SNX30: variants seen among roughly 807,000 people sequenced by gnomAD.
SNX30 encodes the protein sorting nexin-30.
In SNX30, 24 loss-of-function variants were observed where a neutral mutation model predicts 46.4. The ratio of observed to expected loss-of-function variants is 0.52; its 90% CI spans 0.37 to 0.73. SNX30 has a LOEUF of 0.73. Ranked by LOEUF, SNX30 falls within the 30% of genes least tolerant of loss-of-function variation. The pLI is 0.00. For missense variants in SNX30, 533 were observed against 555.7 expected, an observed-to-expected ratio of 0.96 and a Z score of 0.41; for synonymous variants, 189 against 211.5, an observed-to-expected ratio of 0.89 and a Z score of 0.92.
chr9:112,829,130 G>A (rs527868965), intron 3 of SNX30, among the ~76,000 whole-genome samples: 7 of 152,210 alleles, frequency 4.6e-5, no homozygotes, highest in South Asian at 2.1e-4. Flanking sequence ...TGGATATGCC[G>A]CATTTTGTTT....
chr9:112,834,882 A>ACACACAC (rs56385707), intron 4 of SNX30, among the ~76,000 whole-genome samples: 1 of 105,352 alleles, frequency 9.5e-6, no homozygotes, highest in Non-Finnish European at 2.3e-5. Flanking sequence ...ACACACACAC[A>ACACACAC]CCTACCTCAA....
intron 6 of SNX30, among the ~76,000 whole-genome samples, chr9:112,841,567 T>A (rs1358994729): frequency 1.3e-5 from 2 of 152,216 alleles, no homozygotes; most frequent in African/African-American, 4.8e-5. Context: ...TCCCCGATAG[T>A]AGCTGAGCTG....
rs1456902641 is a variant in SNX30 at position 112,751,138 on chromosome 9, C to T, written c.137C>T (p.Ala46Val). 3 of 1,510,502 alleles carry T rather than the reference C, an allele frequency of 2.0e-6. No individual in the cohort carries two copies. Among genetic ancestry groups the T allele is most frequent in the Non-Finnish European group, 2.6e-6 (3 of 1,136,378 alleles). 93.6% of individuals were successfully genotyped at this position (1,510,502 alleles called of 1,614,324 possible). A position where few individuals can be genotyped will look rare whatever the true frequency, so the allele number is the denominator to read the frequency against. ...ACGCCCAGCCCGGACCTGCTGATGG[C>T]CCGCAGCTTCGGTGACAAGGTGGGG... is the stretch of plus-strand genomic sequence containing the variant. Reference protein sequence around the residue: ...DSTPSPDLLMARSFGDKDLIL... With the variant: ...DSTPSPDLLMVRSFGDKDLIL... The change falls in exon 1 of 9, where the codon GCC (alanine) becomes GTC (valine). Residue 46 changes from alanine (A) to valine (V), a missense_variant. By Grantham distance (64) the Ala-to-Val change is moderately conservative (BLOSUM62 0). Around this residue, in one of 3 missense-constraint regions of SNX30, gnomAD observed 191 missense variants for 160.3 expected, o/e 1.19. Coordinates refer to ENST00000374232, the MANE Select transcript of SNX30 (RefSeq NM_001012994.2).
chr9:112,860,720 G>A (rs1053449616), intron 7 of SNX30, among the ~76,000 whole-genome samples: 3 of 152,196 alleles, frequency 2.0e-5, no homozygotes, highest in Non-Finnish European at 4.4e-5. Context: ...CATTGGCAAA[G>A]GGTGGCATAA....
chr9:112,761,335 G>C (rs570461390), intron 1 of SNX30, among the ~76,000 whole-genome samples: 31 of 152,170 alleles, frequency 2.0e-4, no homozygotes, highest in Admixed American at 5.2e-4. Flanking sequence ...GCTAATTTTA[G>C]TATTTTTAGT....
At chr9:112,834,710 AAGG>A (rs1304562637) in intron 4 of SNX30, among the ~76,000 whole-genome samples, 3 of 152,122 alleles carry the variant, frequency 2.0e-5, no homozygotes, top group Non-Finnish European at 4.4e-5. Flanking sequence ...GGGCAGGTGA[AAGG>A]AGGGCAGGGG....
intron 3 of SNX30, among the ~76,000 whole-genome samples, chr9:112,830,113 C>T (rs1840638130): frequency 6.6e-6 from 1 of 152,034 alleles, no homozygotes; most frequent in South Asian, 2.1e-4. Context: ...TTAAATTGCC[C>T]ACAGTATTGA....
chr9:112,773,338 A>G (rs1371606060), intron 1 of SNX30, among the ~76,000 whole-genome samples: 1 of 152,118 alleles, frequency 6.6e-6, no homozygotes, highest in East Asian at 1.9e-4. Context: ...CTCATAACTG[A>G]TAGTCATAAC....
chr9:112,751,306 G>A (rs1169381557), intron 1 of SNX30, 149 bp downstream of exon 1: 1 of 1,069,850 alleles, frequency 9.3e-7, no homozygotes, highest in Non-Finnish European at 1.2e-6. Context: ...AGCCCTCGGC[G>A]AAGCGTCTCC....
rs150036080 is a variant in SNX30 at position 112,779,009 on chromosome 9, G to C, written c.157-25767G>C. 1.5e-3 allele frequency among the ~76,000 whole-genome samples: 235 copies of C among 152,322 alleles called. 2 individuals carry two copies. Among genetic ancestry groups the C allele is most frequent in the African/African-American group, 5.3e-3 (221 of 41,576 alleles). ...GGAGCTGAGTCTTGAAGCACAAATGGGCATTAGCTAGGTGAGTAAGGCATC... is the reference window on the plus strand; with the variant it reads ...GGAGCTGAGTCTTGAAGCACAAATGCGCATTAGCTAGGTGAGTAAGGCATC... On this transcript the variant is annotated intron_variant, in intron 1 of 8. Transcript: ENST00000374232.
chr9:112,865,661 A>ATATATGTGTGTG, intron 8 of SNX30, among the ~76,000 whole-genome samples: 9 of 105,700 alleles, frequency 8.5e-5, no homozygotes, highest in African/African-American at 3.4e-4. Flanking sequence ...ATATATATAT[A>ATATATGTGTGTG]TGTATGTATG....
At chr9:112,793,249 C>A (rs1840054733) in intron 1 of SNX30, among the ~76,000 whole-genome samples, 1 of 152,194 alleles carries the variant, frequency 6.6e-6, no homozygotes, top group South Asian at 2.1e-4. Context: ...CTGCTCCCCC[C>A]ATCTCAGTAG....
intron 7 of SNX30, among the ~76,000 whole-genome samples, chr9:112,855,443 C>G (rs1024232195): frequency 6.6e-6 from 1 of 152,134 alleles, no homozygotes; most frequent in Non-Finnish European, 1.5e-5. Flanking sequence ...AAAACTTGCG[C>G]TGGATAAGGA....
chr9:112,780,268 C>G (rs371230435), intron 1 of SNX30, among the ~76,000 whole-genome samples: 4 of 152,218 alleles, frequency 2.6e-5, no homozygotes, highest in African/African-American at 9.6e-5. Flanking sequence ...CCAAAAGTCC[C>G]TTGGTTAAAA....
At chr9:112,790,694 A>G (rs1239568809) in intron 1 of SNX30, among the ~76,000 whole-genome samples, 2 of 152,378 alleles carry the variant, frequency 1.3e-5, no homozygotes, top group South Asian at 2.1e-4. Flanking sequence ...GTTCATAATT[A>G]TGAACACTAA....
At chr9:112,849,574 C>T (rs556091897) in intron 6 of SNX30, among the ~76,000 whole-genome samples, 168 of 152,222 alleles carry the variant, frequency 1.1e-3, no homozygotes, top group Non-Finnish European at 1.8e-3. Flanking sequence ...TGGCAATTGA[C>T]GAAAAATTAT....
intron 4 of SNX30, among the ~76,000 whole-genome samples, chr9:112,832,487 T>TGAGAGA (rs1417839811): frequency 1.9e-4 from 25 of 132,572 alleles, no homozygotes; most frequent in East Asian, 4.3e-4. Flanking sequence ...TGTGTGTGTG[T>TGAGAGA]GTGTGTGTGA....
intron 1 of SNX30, among the ~76,000 whole-genome samples, chr9:112,791,399 C>T (rs368067822): frequency 8.3e-4 from 56 of 67,468 alleles, no homozygotes; most frequent in East Asian, 2.2e-3. Context: ...TATTTAGGAA[C>T]TTTTTTTTTT....
At chr9:112,782,805 A>G (rs1839866484) in intron 1 of SNX30, among the ~76,000 whole-genome samples, 1 of 152,252 alleles carries the variant, frequency 6.6e-6, no homozygotes, top group Non-Finnish European at 1.5e-5. Flanking sequence ...TCCTGCATTA[A>G]CACTGAATGT....
Sources: gnomAD v4.1 joint callset for allele counts (sites outside exome capture counted in the v4.1 genomes callset) on GRCh38, gnomAD v4.1.1 for gene constraint, gnomAD v4.1.1 regional missense constraint, MANE v1.5 for transcripts, NCBI Gene and HGNC (gene_info 2026-07-23, HGNC 2026-07-21) for gene names.